Variants in IGF2BP3 observed in about 807,000 individuals in gnomAD.
IGF2BP3 encodes insulin-like growth factor 2 mRNA-binding protein 3.
A neutral mutation model predicts 73.8 loss-of-function variants in IGF2BP3; 9 were observed. The observed-to-expected ratio is 0.12, with a 90% CI of 0.07 to 0.21. The LOEUF (loss-of-function observed/expected upper bound fraction) is 0.21. Among genes scored for constraint, IGF2BP3 ranks in the 10% least tolerant of loss-of-function variants. The pLI, the probability that IGF2BP3 is intolerant of heterozygous loss-of-function variation, is 1.00. For missense variants in IGF2BP3, 542 were observed against 714.0 expected (o/e 0.76, Z 2.75); for synonymous variants, 258 against 256.7 (o/e 1.01, Z -0.05).
chr7:23,412,175 G>C (rs886765369), intron 3 of IGF2BP3, among the ~76,000 whole-genome samples: 3 of 151,634 alleles, frequency 2.0e-5, no homozygotes, highest in African/African-American at 7.3e-5. Flanking sequence ...TAGAGATTGG[G>C]TTTTGCCATG....
At chr7:23,313,458 C>T in intron 13 of IGF2BP3, 64 bp downstream of exon 13, 3 of 1,529,686 alleles carry the variant, frequency 2.0e-6, no homozygotes, top group Non-Finnish European at 2.6e-6. Flanking sequence ...GGACTTGGAA[C>T]TCCTAAGTAC....
At chr7:23,460,156 G>GTGACAAGAGTGAAACTC (rs1788410934) in intron 2 of IGF2BP3, among the ~76,000 whole-genome samples, 2 of 140,494 alleles carry the variant, frequency 1.4e-5, no homozygotes, top group African/African-American at 2.7e-5. Flanking sequence ...TCCAGCCTGG[G>GTGACAAGAGTGAAACTC]CAACCGTGCG....
Position 23,343,869 on chromosome 7 carries a change from G to C in IGF2BP3, c.942-16C>G. The C allele has an allele frequency of 1.2e-6, 2 of 1,603,306 alleles. No homozygotes were observed. Among genetic ancestry groups the C allele is most frequent in the South Asian group, 1.1e-5 (1 of 89,226 alleles). On this transcript the variant is annotated splice_polypyrimidine_tract_variant and intron_variant, in intron 8 of 14. Transcript: ENST00000258729. Reference sequence around the variant, plus strand: ...TTCCTGCAATCTGCAGAATGAAAAAGAAGGGAAAGAAAAAGAATGAAAATT... The same window carrying C: ...TTCCTGCAATCTGCAGAATGAAAAACAAGGGAAAGAAAAAGAATGAAAATT...
At chr7:23,405,551 C>G (rs1398893020) in intron 3 of IGF2BP3, among the ~76,000 whole-genome samples, 3 of 152,178 alleles carry the variant, frequency 2.0e-5, no homozygotes, top group Non-Finnish European at 4.4e-5. Flanking sequence ...GGCCGCACAG[C>G]AGAAGGTGAG....
chr7:23,367,827 C>T (rs1003149414), intron 3 of IGF2BP3, among the ~76,000 whole-genome samples: 15 of 152,096 alleles, frequency 9.9e-5, no homozygotes, highest in South Asian at 6.2e-4. Flanking sequence ...ATGGTGAAAC[C>T]CCATCTCTAC....
chr7:23,373,825 T>C (rs974311786), intron 3 of IGF2BP3, among the ~76,000 whole-genome samples: 2 of 152,196 alleles, frequency 1.3e-5, no homozygotes, highest in Non-Finnish European at 2.9e-5. Context: ...AATGGCTTGG[T>C]GCCATCCTTG....
intron 2 of IGF2BP3, among the ~76,000 whole-genome samples, chr7:23,436,417 G>T (rs1446736707): frequency 1.3e-5 from 2 of 152,176 alleles, no homozygotes; most frequent in African/African-American, 4.8e-5. Context: ...GTCATCATTT[G>T]GTGATTCTTG....
intron 3 of IGF2BP3, among the ~76,000 whole-genome samples, chr7:23,379,914 C>T (rs954710307): frequency 4.6e-5 from 7 of 152,044 alleles, no homozygotes; most frequent in African/African-American, 1.2e-4. Flanking sequence ...TTATTGTTAA[C>T]GAGTGAAGTC....
At chr7:23,361,272 A>T (rs866728025) in intron 5 of IGF2BP3, 1 of 315,496 alleles carries the variant, frequency 3.2e-6, no homozygotes, top group South Asian at 4.7e-5. Flanking sequence ...AGCTTCTGCA[A>T]ATAGGGTGTG....
intron 3 of IGF2BP3, among the ~76,000 whole-genome samples, chr7:23,386,429 C>T (rs932581693): frequency 6.6e-6 from 1 of 152,088 alleles, no homozygotes; most frequent in African/African-American, 2.4e-5. Flanking sequence ...CGCAACCAAC[C>T]AACAAAAAAC....
chr7:23,356,845 C>G (rs563071101), intron 5 of IGF2BP3, among the ~76,000 whole-genome samples: 1 of 152,084 alleles, frequency 6.6e-6, no homozygotes, highest in South Asian at 2.1e-4. Flanking sequence ...GTTCTAAAAA[C>G]AAAACAAAAC....
At chr7:23,434,755 TC>T (rs1469288916) in intron 2 of IGF2BP3, among the ~76,000 whole-genome samples, 2 of 152,190 alleles carry the variant, frequency 1.3e-5, no homozygotes, top group Non-Finnish European at 2.9e-5. Context: ...AGCAAATTGT[TC>T]CTGATTACTA....
At chr7:23,345,914 T>C in intron 8 of IGF2BP3, 26 bp downstream of exon 8, 3 of 1,606,542 alleles carry the variant, frequency 1.9e-6, no homozygotes, top group Non-Finnish European at 2.5e-6. Context: ...GAAAGTTTTC[T>C]TATTCAAAAG....
At chr7:23,327,406 G>C (rs916105825) in intron 10 of IGF2BP3, among the ~76,000 whole-genome samples, 1 of 150,412 alleles carries the variant, frequency 6.6e-6, no homozygotes, top group Non-Finnish European at 1.5e-5. Context: ...TCAGCCTCCC[G>C]AGTAGCTGGG....
intron 2 of IGF2BP3, among the ~76,000 whole-genome samples, chr7:23,465,577 A>G (rs760629973): frequency 6.6e-6 from 1 of 152,146 alleles, no homozygotes; most frequent in African/African-American, 2.4e-5. Context: ...CAAGCCTCCA[A>G]TCACCTCCTG....
At chr7:23,394,026 T>C (rs552295772) in intron 3 of IGF2BP3, among the ~76,000 whole-genome samples, 1 of 152,136 alleles carries the variant, frequency 6.6e-6, no homozygotes, top group African/African-American at 2.4e-5. Flanking sequence ...CCTACACTTG[T>C]GTATACCATA....
chr7:23,328,578 C>T (rs1784363232), intron 10 of IGF2BP3, among the ~76,000 whole-genome samples: 1 of 152,176 alleles, frequency 6.6e-6, no homozygotes, highest in Non-Finnish European at 1.5e-5. Context: ...TAAGGAATAA[C>T]TTTTGCCTAT....
At chr7:23,416,614 G>A (rs538601387) in intron 3 of IGF2BP3, among the ~76,000 whole-genome samples, 6 of 152,182 alleles carry the variant, frequency 3.9e-5, no homozygotes, top group Non-Finnish European at 7.3e-5. Context: ...CATAAGGTCC[G>A]GTCATTCCAC....
chr7:23,469,053 G>A lies in IGF2BP3; in HGVS notation c.176-511C>T, dbSNP rs565493127. Among the ~76,000 whole-genome samples, 4 of 152,376 alleles carry A rather than the reference G, an allele frequency of 2.6e-5. No homozygotes were observed. The highest frequency in any genetic ancestry group is 9.6e-5 in the African/African-American group (4 of 41,596). ...AGGGGAGACCACGAACGGGAGAACT[G>A]GCAGAGGCGCAGCTCGGCACAGGCT... is the stretch of plus-strand genomic sequence containing the variant. On this transcript the variant is annotated intron_variant, in intron 1 of 14. Transcript: ENST00000258729. The surrounding 1 kb of genome is among the most constrained non-coding windows in gnomAD (Gnocchi z 6.1).
Sources: allele counts gnomAD v4.1 joint callset (sites outside exome capture counted in the v4.1 genomes callset), GRCh38; gene constraint gnomAD v4.1.1; non-coding constraint Gnocchi (gnomAD v3.1); transcripts MANE v1.5; gene names NCBI Gene and HGNC (gene_info 2026-07-23, HGNC 2026-07-21).